Variants in EXOC6B observed in about 807,000 individuals in gnomAD.
The protein encoded by EXOC6B is exocyst complex component 6B.
EXOC6B carries 54 observed loss-of-function variants against 113.5 expected under a neutral mutation model. The ratio of observed to expected loss-of-function variants is 0.48; its 90% confidence interval spans 0.38 to 0.60. EXOC6B has a LOEUF of 0.60. Ranked by LOEUF, EXOC6B falls within the 20% of genes least tolerant of loss-of-function variation. The probability of loss-of-function intolerance (pLI) is 0.00; values close to 1 mark genes in which losing one functional copy is unlikely to be tolerated. For missense variants in EXOC6B, 797 were observed against 977.5 expected (o/e 0.82, Z 2.46); for synonymous variants, 357 against 339.0 (o/e 1.05, Z -0.58).
chr2:72,553,864 A>T (rs1703381051), intron 8 of EXOC6B, among the ~76,000 whole-genome samples: 1 of 152,200 alleles, frequency 6.6e-6, no homozygotes. Flanking sequence ...AAAAAGTATA[A>T]GACATCAATT....
At chr2:72,705,676 CTGA>C (rs1462246467) in intron 6 of EXOC6B, among the ~76,000 whole-genome samples, 2 of 152,046 alleles carry the variant, frequency 1.3e-5, no homozygotes, top group African/African-American at 4.8e-5. Context: ...CTGTCCTAAT[CTGA>C]TGATAATTTC....
chr2:72,744,559 C>T (rs1681569398), intron 1 of EXOC6B, among the ~76,000 whole-genome samples: 1 of 152,084 alleles, frequency 6.6e-6, no homozygotes, highest in Non-Finnish European at 1.5e-5. Context: ...ACTGATTTAC[C>T]TTGACACTTG....
chr2:72,278,332 T>G (rs1226391912), intron 20 of EXOC6B, among the ~76,000 whole-genome samples: 1 of 152,288 alleles, frequency 6.6e-6, no homozygotes, highest in Non-Finnish European at 1.5e-5. Context: ...CTTTCCTTAA[T>G]GAGAAATGTA....
At chr2:72,696,636 C>G (rs762721234) in intron 6 of EXOC6B, among the ~76,000 whole-genome samples, 1 of 152,146 alleles carries the variant, frequency 6.6e-6, no homozygotes, top group Non-Finnish European at 1.5e-5. Flanking sequence ...CAAACCATAA[C>G]GCCACCATGC....
intron 18 of EXOC6B, among the ~76,000 whole-genome samples, chr2:72,381,368 G>A (rs575008143): frequency 1.3e-5 from 2 of 151,994 alleles, no homozygotes; most frequent in Non-Finnish European, 2.9e-5. Context: ...GGAGATTTAA[G>A]TTATTTCTTT....
intron 21 of EXOC6B, among the ~76,000 whole-genome samples, chr2:72,182,336 A>T (rs1411813102): frequency 6.6e-6 from 1 of 152,148 alleles, no homozygotes; most frequent in Admixed American, 6.5e-5. Flanking sequence ...CTGCTGAGAG[A>T]TGTAAATAAC....
chr2:72,484,463 A>G (rs1699303519), intron 16 of EXOC6B, among the ~76,000 whole-genome samples: 1 of 149,284 alleles, frequency 6.7e-6, no homozygotes, highest in East Asian at 2.0e-4. Flanking sequence ...GCTACTCGGG[A>G]GGCTGAGGCA....
At chr2:72,376,716 T>A (rs1339417029) in intron 19 of EXOC6B, among the ~76,000 whole-genome samples, 1 of 152,180 alleles carries the variant, frequency 6.6e-6, no homozygotes, top group Non-Finnish European at 1.5e-5. Flanking sequence ...TTCCAACGTA[T>A]GTGTCATCAG....
chr2:72,473,498 C>T (rs971667506), intron 17 of EXOC6B, among the ~76,000 whole-genome samples: 3 of 151,946 alleles, frequency 2.0e-5, no homozygotes, highest in African/African-American at 7.3e-5. Flanking sequence ...TATGCCTGCT[C>T]ATTTTTTGTT....
At chr2:72,483,399 T>C (rs1699220041) in intron 16 of EXOC6B, among the ~76,000 whole-genome samples, 2 of 152,186 alleles carry the variant, frequency 1.3e-5, no homozygotes, top group Admixed American at 6.5e-5. Flanking sequence ...TCATGTCATG[T>C]TATCGAAATA....
At chr2:72,404,201 A>G (rs1444232788) in intron 18 of EXOC6B, among the ~76,000 whole-genome samples, 1 of 152,310 alleles carries the variant, frequency 6.6e-6, no homozygotes, top group East Asian at 1.9e-4. Flanking sequence ...TAGGTAGACA[A>G]AGCAGCCAGG....
intron 6 of EXOC6B, among the ~76,000 whole-genome samples, chr2:72,630,103 C>T (rs1271253196): frequency 6.6e-6 from 1 of 152,164 alleles, no homozygotes; most frequent in South Asian, 2.1e-4. Flanking sequence ...AAGCAGCCAA[C>T]CAATCCAGAG....
intron 6 of EXOC6B, among the ~76,000 whole-genome samples, chr2:72,703,023 C>T (rs1678555244): frequency 6.7e-6 from 1 of 149,172 alleles, no homozygotes; most frequent in Non-Finnish European, 1.5e-5. Context: ...ATGGTAATGC[C>T]TAGGTTTTCT....
At chr2:72,757,881 C>A (rs1682519463) in intron 1 of EXOC6B, among the ~76,000 whole-genome samples, 1 of 152,032 alleles carries the variant, frequency 6.6e-6, no homozygotes, top group Non-Finnish European at 1.5e-5. Flanking sequence ...TACATATGGG[C>A]CAGGCACAGT....
chr2:72,492,257 C>A (rs1699778490), intron 16 of EXOC6B, 61 bp downstream of exon 16: 2 of 945,772 alleles, frequency 2.1e-6, no homozygotes, highest in Non-Finnish European at 3.3e-6. Context: ...GACATAAGGC[C>A]CAGAGCTTAG....
chr2:72,258,371 T>C (rs1683486199), intron 20 of EXOC6B, among the ~76,000 whole-genome samples: 1 of 147,072 alleles, frequency 6.8e-6, no homozygotes, highest in Non-Finnish European at 1.5e-5. Context: ...CTTTTTTTTT[T>C]TTTTTTTTTT....
chr2:72,534,975 C>T (rs1702200079), intron 8 of EXOC6B, among the ~76,000 whole-genome samples: 2 of 152,140 alleles, frequency 1.3e-5, no homozygotes, highest in Admixed American at 1.3e-4. Flanking sequence ...AAGACTAAGT[C>T]ACACTTCAGG....
At chr2:72,580,757 C>T (rs1705171510) in intron 6 of EXOC6B, among the ~76,000 whole-genome samples, 1 of 152,138 alleles carries the variant, frequency 6.6e-6, no homozygotes, top group South Asian at 2.1e-4. Context: ...TTTTCTAATA[C>T]CAGAATGTGG....
chr2:72,508,538 G>A (rs559930612), intron 11 of EXOC6B, among the ~76,000 whole-genome samples: 32 of 152,134 alleles, frequency 2.1e-4, no homozygotes, highest in Non-Finnish European at 3.2e-4. Context: ...TTGGGAGGCC[G>A]AGGTAGGCGA....
Sources: gnomAD v4.1 joint callset for allele counts (sites outside exome capture counted in the v4.1 genomes callset) on GRCh38, gnomAD v4.1.1 for gene constraint, MANE v1.5 for transcripts, NCBI Gene and HGNC (gene_info 2026-07-23, HGNC 2026-07-21) for gene names.